HS3ST4: variants seen among roughly 807,000 people sequenced by gnomAD.
The protein encoded by HS3ST4 is heparan sulfate glucosamine 3-O-sulfotransferase 4.
Under a neutral mutation model 29.2 loss-of-function variants are expected in HS3ST4, and 17 were observed. The observed-to-expected ratio is 0.58, with a 90% CI of 0.40 to 0.87. The LOEUF (loss-of-function observed/expected upper bound fraction) is 0.87, where lower values mean the gene tolerates loss of function less well. Among genes scored for constraint, HS3ST4 ranks in the 40% least tolerant of loss-of-function variants. The pLI, the probability that HS3ST4 is intolerant of heterozygous loss-of-function variation, is 0.00. For synonymous variants in HS3ST4, 314 were observed against 285.7 expected (o/e 1.10, Z -1.00); for missense variants, 627 against 634.5 (o/e 0.99, Z 0.13).
At chr16:25,715,237 G>A (rs996974132) in intron 1 of HS3ST4, among the ~76,000 whole-genome samples, 116 of 151,558 alleles carry the variant, frequency 7.7e-4, no homozygotes, top group Non-Finnish European at 1.9e-4. Flanking sequence ...CAGGAGAATG[G>A]CGTGAACCCG....
intron 1 of HS3ST4, among the ~76,000 whole-genome samples, chr16:26,034,962 A>G (rs538447599): frequency 3.3e-5 from 5 of 152,250 alleles, no homozygotes; most frequent in South Asian, 2.1e-4. Context: ...CAGCTGAGCA[A>G]CAGAGTGAGA....
chr16:26,085,805 T>C (rs534889863), intron 1 of HS3ST4, among the ~76,000 whole-genome samples: 4 of 151,730 alleles, frequency 2.6e-5, no homozygotes, highest in Admixed American at 1.3e-4. Flanking sequence ...GCCCAGGAGA[T>C]TGAAGCTGCA....
At chr16:25,880,875 A>G (rs892527935) in intron 1 of HS3ST4, among the ~76,000 whole-genome samples, 1 of 152,210 alleles carries the variant, frequency 6.6e-6, no homozygotes, top group Admixed American at 6.5e-5. Context: ...ATGGATTTTT[A>G]TAGACTTTGG....
chr16:25,738,027 C>A (rs1286882936), intron 1 of HS3ST4, among the ~76,000 whole-genome samples: 2 of 152,018 alleles, frequency 1.3e-5, no homozygotes, highest in Admixed American at 6.5e-5. Context: ...GCCTCAGCCT[C>A]CCAAGTACCT....
At chr16:25,960,114 C>T (rs1261476448) in intron 1 of HS3ST4, among the ~76,000 whole-genome samples, 1 of 152,026 alleles carries the variant, frequency 6.6e-6, no homozygotes, top group Non-Finnish European at 1.5e-5. Context: ...CCAGCCTGGG[C>T]AACAAGAGTG....
chr16:25,978,761 C>T (rs1327659236), intron 1 of HS3ST4, among the ~76,000 whole-genome samples: 9 of 152,150 alleles, frequency 5.9e-5, no homozygotes, highest in Admixed American at 2.6e-4. Context: ...GACTTCCTAT[C>T]GATCAGAAAC....
In HS3ST4 at chr16:25,914,998, T is replaced by G. The variant is rs148992485; in HGVS notation, c.735-220614T>G. Among the ~76,000 whole-genome samples, 6 of 152,174 alleles carry G rather than the reference T, an allele frequency of 3.9e-5. No individual in the cohort carries two copies. The South Asian group carries it at 6.3e-4, about 16-fold the overall frequency. ...ACATTTCACCAGGAAATCTTAGTTA[T>G]GCGGGCTGCGCTGTGCATTGAGACA... On this transcript the variant is annotated intron_variant, in intron 1 of 1. Coordinates refer to ENST00000331351, the MANE Select transcript of HS3ST4 (RefSeq NM_006040.3).
intron 1 of HS3ST4, among the ~76,000 whole-genome samples, chr16:25,975,684 C>A (rs1968937338): frequency 1.3e-5 from 2 of 152,166 alleles, no homozygotes; most frequent in South Asian, 4.1e-4. Flanking sequence ...TCTTGCCCCT[C>A]CTCCAATTCA....
At chr16:25,828,264 C>CTT (rs1311292141) in intron 1 of HS3ST4, among the ~76,000 whole-genome samples, 2 of 81,290 alleles carry the variant, frequency 2.5e-5, no homozygotes, top group African/African-American at 1.1e-4. Context: ...TTCTTTCTTT[C>CTT]TTTCTTTCTT....
chr16:25,699,509 C>T (rs182005290), intron 1 of HS3ST4, among the ~76,000 whole-genome samples: 71 of 152,300 alleles, frequency 4.7e-4, no homozygotes, highest in African/African-American at 1.5e-3. Flanking sequence ...AAATAGATTA[C>T]GCTCAGTCGT....
At chr16:26,062,871 A>G in intron 1 of HS3ST4, 2 of 266,598 alleles carry the variant, frequency 7.5e-6, no homozygotes, top group Non-Finnish European at 1.5e-5. Context: ...TTCACTACAT[A>G]TTCTGGCACC....
intron 1 of HS3ST4, among the ~76,000 whole-genome samples, chr16:26,027,953 C>CT (rs1222845081): frequency 6.6e-6 from 1 of 152,074 alleles, no homozygotes; most frequent in Non-Finnish European, 1.5e-5. Flanking sequence ...AACAAAGAGT[C>CT]TTTTTAATTC....
intron 1 of HS3ST4, among the ~76,000 whole-genome samples, chr16:25,868,690 A>T (rs978676288): frequency 3.3e-5 from 5 of 152,210 alleles, no homozygotes; most frequent in Non-Finnish European, 7.3e-5. Flanking sequence ...AGCAAATGTA[A>T]TTCGGACTGT....
intron 1 of HS3ST4, among the ~76,000 whole-genome samples, chr16:26,091,677 T>C (rs1343495485): frequency 1.3e-5 from 2 of 152,144 alleles, no homozygotes; most frequent in Non-Finnish European, 2.9e-5. Flanking sequence ...AAGTTAGCAA[T>C]GGAACATTCA....
At chr16:25,851,641 T>A (rs1967522812) in intron 1 of HS3ST4, among the ~76,000 whole-genome samples, 1 of 152,152 alleles carries the variant, frequency 6.6e-6, no homozygotes, top group Non-Finnish European at 1.5e-5. Context: ...GCAGCACAGC[T>A]AGAGAACTTG....
At chr16:26,082,041 C>T (rs910041743) in intron 1 of HS3ST4, among the ~76,000 whole-genome samples, 9 of 152,080 alleles carry the variant, frequency 5.9e-5, no homozygotes, top group Admixed American at 1.3e-4. Flanking sequence ...GTGATTCACC[C>T]GCCTTGGCCT....
chr16:25,874,346 T>C (rs911303573), intron 1 of HS3ST4, among the ~76,000 whole-genome samples: 8 of 152,084 alleles, frequency 5.3e-5, no homozygotes, highest in Admixed American at 1.3e-4. Flanking sequence ...AAGAAACAGG[T>C]CCAGAGGGGT....
At chr16:25,703,917 G>A (rs934451042) in intron 1 of HS3ST4, among the ~76,000 whole-genome samples, 2 of 152,152 alleles carry the variant, frequency 1.3e-5, no homozygotes, top group Non-Finnish European at 2.9e-5. Flanking sequence ...AGCTTGTTAT[G>A]CTGTTTTATT....
intron 1 of HS3ST4, among the ~76,000 whole-genome samples, chr16:25,751,718 T>C (rs1043119208): frequency 1.3e-5 from 2 of 152,110 alleles, no homozygotes; most frequent in Non-Finnish European, 2.9e-5. Flanking sequence ...TGGTGTGGAG[T>C]AAGCAGGATT....
Sources: gnomAD v4.1 joint callset for allele counts (sites outside exome capture counted in the v4.1 genomes callset) on GRCh38, gnomAD v4.1.1 for gene constraint, MANE v1.5 for transcripts, NCBI Gene and HGNC (gene_info 2026-07-23, HGNC 2026-07-21) for gene names.